Variants in BRD10 observed in about 807,000 individuals in gnomAD.
BRD10 encodes the protein bromodomain containing 10.
the BRD10 span, among the ~76,000 whole-genome samples, chr9:5,972,649 T>C: frequency 6.6e-6 from 1 of 152,196 alleles, no homozygotes; most frequent in Admixed American, 6.5e-5. Flanking sequence ...ACGTGATATG[T>C]TGGCTCCCCT....
the BRD10 span, among the ~76,000 whole-genome samples, chr9:5,998,905 G>C: frequency 1.3e-5 from 2 of 152,080 alleles, no homozygotes; most frequent in South Asian, 4.1e-4. Context: ...CTTGTCAGTA[G>C]TCTGTGGAAT....
the BRD10 span, among the ~76,000 whole-genome samples, chr9:5,993,817 T>A: frequency 6.6e-6 from 1 of 152,168 alleles, no homozygotes; most frequent in Non-Finnish European, 1.5e-5. Context: ...CAGAGCACAG[T>A]GCACAAGGGT....
the BRD10 span, among the ~76,000 whole-genome samples, chr9:5,994,385 A>C: frequency 6.6e-6 from 1 of 152,318 alleles, no homozygotes; most frequent in Non-Finnish European, 1.5e-5. Context: ...CTGCAGCTAT[A>C]AGCTACCTCA....
chr9:5,988,326 T>C, the BRD10 span: 1 of 1,586,894 alleles, frequency 6.3e-7, no homozygotes, highest in Non-Finnish European at 8.6e-7. Flanking sequence ...AAATTATGAA[T>C]TTTTTTCTTA....
At chr9:5,976,938 T>C in the BRD10 span, among the ~76,000 whole-genome samples, 1 of 152,210 alleles carries the variant, frequency 6.6e-6, no homozygotes, top group Non-Finnish European at 1.5e-5. Context: ...TTGGAGTAGA[T>C]GAAAAAACTT....
the BRD10 span, chr9:5,921,502 A>C: frequency 2.5e-6 from 4 of 1,613,958 alleles, no homozygotes; most frequent in Non-Finnish European, 3.4e-6. Flanking sequence ...AAACACCTGT[A>C]GATGTCAGCG....
chr9:5,975,618 C>A, the BRD10 span, among the ~76,000 whole-genome samples: 3 of 151,714 alleles, frequency 2.0e-5, no homozygotes, highest in Non-Finnish European at 4.4e-5. Context: ...ACACAGAATG[C>A]GATTTATGAC....
the BRD10 span, chr9:5,920,017 A>G: frequency 6.2e-7 from 1 of 1,613,896 alleles, no homozygotes; most frequent in African/African-American, 1.3e-5. Context: ...GAGGTGGAAC[A>G]GGAACCTTAG....
the BRD10 span, chr9:5,944,905 T>C: frequency 1.3e-6 from 2 of 1,546,018 alleles, no homozygotes; most frequent in Admixed American, 2.0e-5. Context: ...ATCTTTGAGT[T>C]CATTCTCGAT....
At chr9:5,921,938 G>C in the BRD10 span, 1 of 1,613,970 alleles carries the variant, frequency 6.2e-7, no homozygotes. Context: ...GGAAACAGAA[G>C]TTGGTGTTTG....
the BRD10 span, among the ~76,000 whole-genome samples, chr9:5,950,138 T>G: frequency 6.6e-6 from 1 of 152,222 alleles, no homozygotes; most frequent in Non-Finnish European, 1.5e-5. Context: ...GTTTTCCACT[T>G]TTCAAATTCT....
the BRD10 span, chr9:5,922,685 A>G: frequency 6.2e-7 from 1 of 1,614,012 alleles, no homozygotes; most frequent in Admixed American, 1.7e-5. Flanking sequence ...AGGCAGAATA[A>G]GAACTTGCTG....
At chr9:5,968,795 G>A in the BRD10 span, 1 of 1,613,862 alleles carries the variant, frequency 6.2e-7, no homozygotes, top group Non-Finnish European at 8.5e-7. Context: ...CCGTACATCT[G>A]CACCACAGAA....
the BRD10 span, chr9:5,920,480 G>C: frequency 6.2e-7 from 1 of 1,613,984 alleles, no homozygotes; most frequent in Non-Finnish European, 8.5e-7. Context: ...ACTGTAACTG[G>C]GGGTTTTTAC....
At chr9:5,980,256 C>T in the BRD10 span, among the ~76,000 whole-genome samples, 5 of 152,112 alleles carry the variant, frequency 3.3e-5, no homozygotes, top group African/African-American at 1.2e-4. Flanking sequence ...CCTAAATCAA[C>T]AGGGTCTCTC....
chr9:5,928,915 GTGGGCAGT>G, the BRD10 span: 1 of 549,956 alleles, frequency 1.8e-6, no homozygotes, highest in South Asian at 3.0e-5. Context: ...CTTGCACACA[GTGGGCAGT>G]CAAAAATATC....
At chr9:5,994,615 T>C in the BRD10 span, among the ~76,000 whole-genome samples, 1 of 152,180 alleles carries the variant, frequency 6.6e-6, no homozygotes, top group Non-Finnish European at 1.5e-5. Context: ...GCTATTCACA[T>C]AGATAACCAG....
At chr9:5,960,647 T>A in the BRD10 span, among the ~76,000 whole-genome samples, 1 of 152,168 alleles carries the variant, frequency 6.6e-6, no homozygotes, top group Non-Finnish European at 1.5e-5. Context: ...GAAAGTATCT[T>A]AAAACACCAT....
chr9:5,880,319 C>T, the BRD10 span, among the ~76,000 whole-genome samples: 6 of 151,906 alleles, frequency 3.9e-5, no homozygotes, highest in Admixed American at 6.6e-5. Context: ...AGAGACCAGC[C>T]GGACCAACAT....
Sources: gnomAD v4.1 joint callset for allele counts (sites outside exome capture counted in the v4.1 genomes callset) on GRCh38, gnomAD v4.1.1 for gene constraint, MANE v1.5 for transcripts, NCBI Gene and HGNC (gene_info 2026-07-23, HGNC 2026-07-21) for gene names.